Variants in KCNJ6 observed in about 807,000 individuals in gnomAD.
KCNJ6 encodes the protein G protein-activated inward rectifier potassium channel 2.
In KCNJ6, 9 loss-of-function variants were observed where a neutral mutation model predicts 34.2. That is an observed-to-expected ratio of 0.26 (90% CI 0.16 to 0.46). The LOEUF (loss-of-function observed/expected upper bound fraction) is 0.46. Ranked by LOEUF, KCNJ6 falls within the 20% of genes least tolerant of loss-of-function variation. KCNJ6 has a pLI of 1.00. For synonymous variants in KCNJ6, 196 were observed against 207.1 expected (o/e 0.95, Z 0.46); for missense variants, 236 against 531.3 (o/e 0.44, Z 5.46).
At chr21:37,830,964 G>A (rs1341874160) in intron 2 of KCNJ6, among the ~76,000 whole-genome samples, 1 of 152,152 alleles carries the variant, frequency 6.6e-6, no homozygotes, top group African/African-American at 2.4e-5. Flanking sequence ...GGCAGTGAGT[G>A]CAGGAGGCAG....
At chr21:37,883,637 A>C (rs995821710) in intron 1 of KCNJ6, among the ~76,000 whole-genome samples, 3 of 152,192 alleles carry the variant, frequency 2.0e-5, no homozygotes, top group African/African-American at 7.2e-5. Context: ...CTGCTCCCAA[A>C]GTCCCGGGCT....
intron 3 of KCNJ6, among the ~76,000 whole-genome samples, chr21:37,649,409 T>C (rs1316448580): frequency 1.3e-5 from 2 of 152,164 alleles, no homozygotes; most frequent in Non-Finnish European, 2.9e-5. Flanking sequence ...TGCTTCTCAA[T>C]AGGAGTTATT....
In KCNJ6 at chr21:37,612,463, T is replaced by C. The variant is rs570798772; in HGVS notation, c.*12696A>G. 5.9e-5 allele frequency: 9 copies of C among 152,210 alleles called. No homozygotes were observed. Among genetic ancestry groups the C allele is most frequent in the Admixed American group, 3.9e-4 (6 of 15,294 alleles). 9.4% of individuals were successfully genotyped at this position (152,210 alleles called of 1,614,324 possible). ...AGATTAAATACAATCCCAATAAAAA[T>C]CTCAGCAAGTTATTTTGTTGGTACC... On this transcript the variant is annotated 3_prime_UTR_variant, in exon 4 of 4. Coordinates refer to ENST00000609713, the MANE Select transcript of KCNJ6 (RefSeq NM_002240.5).
At chr21:37,710,754 C>G (rs1158839402) in intron 3 of KCNJ6, among the ~76,000 whole-genome samples, 1 of 152,170 alleles carries the variant, frequency 6.6e-6, no homozygotes, top group African/African-American at 2.4e-5. Context: ...ACACATGGGC[C>G]ACAGCTGCTG....
intron 2 of KCNJ6, among the ~76,000 whole-genome samples, chr21:37,720,380 C>A (rs1400917533): frequency 3.3e-5 from 5 of 152,078 alleles, no homozygotes; most frequent in African/African-American, 1.2e-4. Context: ...CCTACAGGGT[C>A]CTTATTGGGG....
intron 3 of KCNJ6, among the ~76,000 whole-genome samples, chr21:37,655,183 G>C (rs917787300): frequency 3.7e-4 from 6 of 16,158 alleles, no homozygotes; most frequent in Non-Finnish European, 7.1e-4. Flanking sequence ...AGACATTTGT[G>C]TGTGTGTGTG....
intron 3 of KCNJ6, among the ~76,000 whole-genome samples, chr21:37,670,007 A>G (rs2054534545): frequency 6.6e-6 from 1 of 152,090 alleles, no homozygotes; most frequent in Non-Finnish European, 1.5e-5. Flanking sequence ...TTGCTCCTCT[A>G]TTTAGGTCTT....
At chr21:37,706,334 T>C (rs2054719504) in intron 3 of KCNJ6, among the ~76,000 whole-genome samples, 1 of 152,202 alleles carries the variant, frequency 6.6e-6, no homozygotes, top group African/African-American at 2.4e-5. Flanking sequence ...CGATCTGTGG[T>C]AAACTGAAAT....
intron 2 of KCNJ6, among the ~76,000 whole-genome samples, chr21:37,758,819 T>C (rs1370512872): frequency 1.3e-5 from 2 of 152,076 alleles, no homozygotes; most frequent in Admixed American, 1.3e-4. Context: ...TTTGTAGAGA[T>C]GAGAGCTTGC....
At chr21:37,721,786 G>A (rs73206009) in intron 2 of KCNJ6, among the ~76,000 whole-genome samples, 34,362 of 152,136 alleles carry the variant, frequency 0.23, 3,978 homozygotes, top group African/African-American at 0.27. Flanking sequence ...TCAGAGAAAG[G>A]GGCACTGGGG....
chr21:37,679,708 G>A (rs1486340026), intron 3 of KCNJ6, among the ~76,000 whole-genome samples: 2 of 151,930 alleles, frequency 1.3e-5, no homozygotes, highest in Non-Finnish European at 2.9e-5. Flanking sequence ...GCCAGTGGAA[G>A]TTTGACTGAC....
chr21:37,880,852 C>T (rs1053977689), intron 1 of KCNJ6, among the ~76,000 whole-genome samples: 2 of 152,198 alleles, frequency 1.3e-5, no homozygotes, highest in Admixed American at 6.5e-5. Context: ...CCAAGGAAAA[C>T]AGATGAGAAC....
At chr21:37,898,237 T>G (rs1177190004) in intron 1 of KCNJ6, among the ~76,000 whole-genome samples, 2 of 152,228 alleles carry the variant, frequency 1.3e-5, no homozygotes, top group Non-Finnish European at 1.5e-5. Flanking sequence ...TCTAGTGCCC[T>G]TACCGGTCAT....
chr21:37,738,987 G>A (rs1267207591), intron 2 of KCNJ6, among the ~76,000 whole-genome samples: 1 of 152,222 alleles, frequency 6.6e-6, no homozygotes, highest in Non-Finnish European at 1.5e-5. Context: ...TCAGTCACCA[G>A]AGGAGAAGAG....
intron 2 of KCNJ6, among the ~76,000 whole-genome samples, chr21:37,821,023 C>T (rs1454148613): frequency 1.3e-5 from 2 of 152,170 alleles, no homozygotes; most frequent in African/African-American, 4.8e-5. Flanking sequence ...AATGTTTCAG[C>T]TGGTTTTTCT....
intron 1 of KCNJ6, among the ~76,000 whole-genome samples, chr21:37,882,227 G>A (rs893024967): frequency 6.6e-6 from 1 of 152,182 alleles, no homozygotes; most frequent in Non-Finnish European, 1.5e-5. Context: ...AAAGCAGTGT[G>A]AGCAGGAGGG....
At chr21:37,627,229 C>A (rs570103075) in intron 3 of KCNJ6, among the ~76,000 whole-genome samples, 1 of 152,324 alleles carries the variant, frequency 6.6e-6, no homozygotes, top group African/African-American at 2.4e-5. Context: ...CCAGCCCTCA[C>A]GCCAGCTCTG....
Position 37,610,017 on chromosome 21 carries a change from CAG to C in KCNJ6, c.*15140_*15141del, listed in dbSNP as rs373857187. On this transcript the variant is annotated 3_prime_UTR_variant, in exon 4 of 4. Coordinates refer to ENST00000609713, the MANE Select transcript of KCNJ6 (RefSeq NM_002240.5). ...CTACCGGGTTTAGTGGTGGTAATGACAGGGGAGCAGGACGTGGTCGGTGGGTG... is the reference window on the plus strand; with the variant it reads ...CTACCGGGTTTAGTGGTGGTAATGACGGGAGCAGGACGTGGTCGGTGGGTG... 5 of 152,346 alleles carry C rather than the reference CAG, an allele frequency of 3.3e-5. No individual in the cohort carries two copies. In the East Asian group the frequency reaches 7.7e-4, roughly 24 times the overall value. 9.4% of individuals were successfully genotyped at this position (152,346 alleles called of 1,614,324 possible). A position where few individuals can be genotyped will look rare whatever the true frequency, so the allele number is the denominator to read the frequency against.
chr21:37,896,570 G>A (rs978983243), intron 1 of KCNJ6, among the ~76,000 whole-genome samples: 28 of 152,158 alleles, frequency 1.8e-4, no homozygotes, highest in African/African-American at 6.0e-4. Flanking sequence ...AAGGTGCAGA[G>A]GCCACTTTTC....
Sources: allele counts gnomAD v4.1 joint callset (sites outside exome capture counted in the v4.1 genomes callset), GRCh38; gene constraint gnomAD v4.1.1; transcripts MANE v1.5; gene names NCBI Gene and HGNC (gene_info 2026-07-23, HGNC 2026-07-21).